The following KCNB2 variants were observed in gnomAD, a reference collection of about 807,000 sequenced individuals.
The protein encoded by KCNB2 is delayed rectifier potassium channel protein.
A neutral mutation model predicts 61.5 loss-of-function variants in KCNB2; 15 were observed. That is an observed-to-expected ratio of 0.24 (90% confidence interval 0.16 to 0.38). The LOEUF (loss-of-function observed/expected upper bound fraction) is 0.38. Among genes scored for constraint, KCNB2 ranks in the 10% least tolerant of loss-of-function variants. The probability of loss-of-function intolerance (pLI) is 1.00; values close to 1 mark genes in which losing one functional copy is unlikely to be tolerated. For synonymous variants in KCNB2, 457 were observed against 446.0 expected (o/e 1.02, Z -0.31); for missense variants, 828 against 1,125.2 (o/e 0.74, Z 3.78).
chr8:72,855,500 A>G (rs1198092298), intron 2 of KCNB2, among the ~76,000 whole-genome samples: 1 of 151,972 alleles, frequency 6.6e-6, no homozygotes, highest in East Asian at 1.9e-4. Context: ...CTCCCAAACA[A>G]GTTATCTGTC....
At chr8:72,679,617 A>G (rs1372578651) in intron 2 of KCNB2, among the ~76,000 whole-genome samples, 1 of 152,194 alleles carries the variant, frequency 6.6e-6, no homozygotes, top group Non-Finnish European at 1.5e-5. Flanking sequence ...TGGAGTTTTT[A>G]TTATGTTTTG....
rs184369832 is a variant in KCNB2 at position 72,570,147 on chromosome 8, C to A, written c.579+1834C>A. 2.5e-4 allele frequency among the ~76,000 whole-genome samples: 38 copies of A among 152,200 alleles called. 1 individual carries two copies. The highest frequency in any genetic ancestry group is 2.2e-3 in the Admixed American group (34 of 15,282). On this transcript the variant is annotated intron_variant, in intron 2 of 2. Transcript: ENST00000523207. ...GGGTAACTATGACCATGGCTCATTA[C>A]AATAGACCTTTACATATGTATCCAA... is the stretch of plus-strand genomic sequence containing the variant.
At chr8:72,715,952 A>T (rs1305853580) in intron 2 of KCNB2, among the ~76,000 whole-genome samples, 2 of 152,254 alleles carry the variant, frequency 1.3e-5, no homozygotes, top group Admixed American at 6.5e-5. Context: ...AGAATCAAAT[A>T]GATGCAATAA....
intron 2 of KCNB2, among the ~76,000 whole-genome samples, chr8:72,697,306 CAGTA>C (rs572965887): frequency 6.5e-4 from 99 of 152,262 alleles, no homozygotes; most frequent in Middle Eastern, 6.8e-3. Flanking sequence ...AGTAAGCACT[CAGTA>C]AGTGTCATCA....
intron 2 of KCNB2, among the ~76,000 whole-genome samples, chr8:72,604,495 T>A (rs1046939894): frequency 6.6e-6 from 1 of 152,168 alleles, no homozygotes; most frequent in African/African-American, 2.4e-5. Context: ...TTGCCTTATC[T>A]TGAAAATAAA....
At chr8:72,595,684 G>A (rs968201930) in intron 2 of KCNB2, among the ~76,000 whole-genome samples, 1 of 152,108 alleles carries the variant, frequency 6.6e-6, no homozygotes, top group African/African-American at 2.4e-5. Flanking sequence ...GCTCTGAGAA[G>A]CCTTCACAGA....
At chr8:72,666,607 A>G (rs1806476941) in intron 2 of KCNB2, among the ~76,000 whole-genome samples, 1 of 151,974 alleles carries the variant, frequency 6.6e-6, no homozygotes. Flanking sequence ...TGAAATGTGG[A>G]CAATTTTCTA....
At position 72,621,198 on chromosome 8, in the gene KCNB2, T is replaced by C. The variant is rs1805707939; in HGVS notation, c.579+52885T>C. Among the ~76,000 whole-genome samples the C allele has an allele frequency of 3.9e-5, 6 of 152,194 alleles. No individual in the cohort carries two copies. In the South Asian group the frequency reaches 1.0e-3, roughly 26 times the overall value. On this transcript the variant is annotated intron_variant, in intron 2 of 2. Coordinates refer to ENST00000523207, the MANE Select transcript of KCNB2 (RefSeq NM_004770.3). ...TCATCTCTTAACCCTTTCTGACCTGTATATTTTTATTTGTTCCAAGTGACT... is the reference window on the plus strand; with the variant it reads ...TCATCTCTTAACCCTTTCTGACCTGCATATTTTTATTTGTTCCAAGTGACT...
At chr8:72,818,942 T>C (rs1428183961) in intron 2 of KCNB2, among the ~76,000 whole-genome samples, 1 of 152,212 alleles carries the variant, frequency 6.6e-6, no homozygotes. Context: ...GTTCTACTGC[T>C]TACCAGTTGT....
chr8:72,833,072 T>C (rs1809725322), intron 2 of KCNB2, among the ~76,000 whole-genome samples: 1 of 152,100 alleles, frequency 6.6e-6, no homozygotes, highest in Non-Finnish European at 1.5e-5. Flanking sequence ...TAAAATATTA[T>C]CAGATAATTT....
At chr8:72,846,012 C>T (rs1809985159) in intron 2 of KCNB2, among the ~76,000 whole-genome samples, 1 of 150,958 alleles carries the variant, frequency 6.6e-6, no homozygotes, top group African/African-American at 2.4e-5. Context: ...ACTCTGGCAG[C>T]TAGCTTGGTG....
chr8:72,729,709 C>T (rs769628285), intron 2 of KCNB2, among the ~76,000 whole-genome samples: 4 of 152,088 alleles, frequency 2.6e-5, no homozygotes, highest in East Asian at 3.9e-4. Context: ...CATGGAGAAA[C>T]GCTGTCTCTA....
At chr8:72,583,686 T>C (rs1806947067) in intron 2 of KCNB2, among the ~76,000 whole-genome samples, 1 of 152,036 alleles carries the variant, frequency 6.6e-6, no homozygotes, top group Non-Finnish European at 1.5e-5. Flanking sequence ...GCATTGAAAA[T>C]AGAAAATTGA....
intron 2 of KCNB2, among the ~76,000 whole-genome samples, chr8:72,875,410 G>T (rs1485591051): frequency 6.6e-6 from 1 of 152,128 alleles, no homozygotes; most frequent in Non-Finnish European, 1.5e-5. Flanking sequence ...CTTTTAACAA[G>T]ATCCCCCAGG....
At chr8:72,816,205 A>G (rs1809393810) in intron 2 of KCNB2, among the ~76,000 whole-genome samples, 1 of 152,190 alleles carries the variant, frequency 6.6e-6, no homozygotes, top group Non-Finnish European at 1.5e-5. Context: ...GCAAAATGTG[A>G]TGAATAGTAA....
At chr8:72,837,608 A>T (rs1809802856) in intron 2 of KCNB2, among the ~76,000 whole-genome samples, 3 of 152,212 alleles carry the variant, frequency 2.0e-5, no homozygotes, top group African/African-American at 7.2e-5. Flanking sequence ...CCCACCAATT[A>T]GGAATCCATG....
At chr8:72,756,730 G>A (rs1808296564) in intron 2 of KCNB2, among the ~76,000 whole-genome samples, 1 of 152,186 alleles carries the variant, frequency 6.6e-6, no homozygotes, top group South Asian at 2.1e-4. Flanking sequence ...AGTAGGTCAG[G>A]TAAGAGGATA....
At chr8:72,591,333 A>G (rs1585770993) in intron 2 of KCNB2, among the ~76,000 whole-genome samples, 2 of 152,134 alleles carry the variant, frequency 1.3e-5, no homozygotes, top group East Asian at 3.8e-4. Flanking sequence ...ATCCAATAGG[A>G]TATTAATTGT....
intron 2 of KCNB2, among the ~76,000 whole-genome samples, chr8:72,729,994 T>A (rs1298971338): frequency 6.6e-6 from 1 of 152,198 alleles, no homozygotes; most frequent in Non-Finnish European, 1.5e-5. Flanking sequence ...ATTTCAGTTC[T>A]TTGATAAACA....
Sources: allele counts gnomAD v4.1 joint callset (sites outside exome capture counted in the v4.1 genomes callset), GRCh38; gene constraint gnomAD v4.1.1; transcripts MANE v1.5; gene names NCBI Gene and HGNC (gene_info 2026-07-23, HGNC 2026-07-21).